SYNE2: variants seen among roughly 807,000 people sequenced by gnomAD.
The protein encoded by SYNE2 is spectrin repeat containing nuclear envelope protein 2.
SYNE2 carries 431 observed loss-of-function variants against 856.3 expected under a neutral mutation model. The ratio of observed to expected loss-of-function variants is 0.50; its 90% CI spans 0.47 to 0.55. SYNE2 has a LOEUF of 0.55. SYNE2 is among the 20% of genes least tolerant of loss of function. SYNE2 has a pLI of 0.00. For missense variants in SYNE2, 8,129 were observed against 8,023.2 expected (o/e 1.01, Z -0.50); for synonymous variants, 2,923 against 2,872.3 (o/e 1.02, Z -0.56).
chr14:64,225,663 C>G lies in SYNE2; in HGVS notation c.*137C>G. 1.0e-6 allele frequency: 1 copy of G among 965,832 alleles called. No homozygotes were observed. The highest frequency in any genetic ancestry group is 2.7e-5 in the East Asian group (1 of 37,666). 59.8% of individuals were successfully genotyped at this position (965,832 alleles called of 1,614,324 possible). A position where few individuals can be genotyped will look rare whatever the true frequency, so the allele number is the denominator to read the frequency against. ...GCAGACTTCTTCTGGGCTTACCCAG[C>G]ACGGGCTCCCTGGAGCCCAGGGCAG... On this transcript the variant is annotated 3_prime_UTR_variant, in exon 116 of 116. Transcript: ENST00000555002.
At chr14:63,845,393 G>T (rs999854000) in intron 1 of SYNE2, among the ~76,000 whole-genome samples, 27 of 150,690 alleles carry the variant, frequency 1.8e-4, no homozygotes, top group African/African-American at 6.6e-4. Flanking sequence ...TCCAGCCTGG[G>T]TGACAACAGC....
In SYNE2 at chr14:63,928,883, G is replaced by A. The variant is rs75459321; in HGVS notation, c.80-11731G>A. On this transcript the variant is annotated intron_variant, in intron 2 of 115. Coordinates refer to ENST00000555002, the MANE Select transcript of SYNE2 (RefSeq NM_182914.3). ...CAGTGAGTTGGCAGTATTGTTGTGGGGAATGGCAACAGGGTCTCATTAGCA... is the reference window on the plus strand; with the variant it reads ...CAGTGAGTTGGCAGTATTGTTGTGGAGAATGGCAACAGGGTCTCATTAGCA... 1.1e-3 allele frequency among the ~76,000 whole-genome samples: 172 copies of A among 152,158 alleles called. 2 individuals carry two copies. The East Asian group carries it at 0.014, about 13-fold the overall frequency.
chr14:63,969,403 C>T lies in SYNE2; in HGVS notation c.1128+1557C>T, dbSNP rs1333192448. ...GTCGCCATGCTGGAGTGCAGGGGTG[C>T]AATCTCGGCTCACTGCAACCCCTCC... On this transcript the variant is annotated intron_variant, in intron 11 of 115. Coordinates refer to ENST00000555002, the MANE Select transcript of SYNE2 (RefSeq NM_182914.3). Among the ~76,000 whole-genome samples, 4 of 138,708 alleles carry T rather than the reference C, an allele frequency of 2.9e-5. No homozygotes were observed. In the South Asian group the frequency reaches 9.1e-4, roughly 32 times the overall value. The allele number at this position is 138,708 out of a possible 152,430, so 91.0% of individuals were successfully genotyped here.
At chr14:64,023,243 G>A (rs1286958865) in intron 38 of SYNE2, 2 of 183,014 alleles carry the variant, frequency 1.1e-5, no homozygotes, top group East Asian at 3.0e-4. Context: ...GTGAGACCCT[G>A]TCTCAAATAA....
chr14:63,905,874 C>G (rs574223033), intron 1 of SYNE2, among the ~76,000 whole-genome samples: 51 of 152,086 alleles, frequency 3.4e-4, no homozygotes, highest in Non-Finnish European at 6.9e-4. Flanking sequence ...TTGTCTTGTT[C>G]TGACTCTCAG....
At chr14:64,162,329 G>C (rs746783280) in intron 88 of SYNE2, 53 bp downstream of exon 88, 282 of 1,572,806 alleles carry the variant, frequency 1.8e-4, no homozygotes, top group Non-Finnish European at 2.4e-4. Context: ...CAACAGATGG[G>C]GTAAGGGACA....
At chr14:63,953,026 T>A (rs1351459174) in intron 7 of SYNE2, among the ~76,000 whole-genome samples, 1 of 152,178 alleles carries the variant, frequency 6.6e-6, no homozygotes, top group Non-Finnish European at 1.5e-5. Flanking sequence ...TTTTTAAAAA[T>A]ATGTGTCTTA....
intron 94 of SYNE2, chr14:64,173,894 T>C: frequency 1.5e-6 from 1 of 675,570 alleles, no homozygotes. Context: ...TCAATCTCTT[T>C]AAAGAACGCC....
chr14:63,960,170 T>G (rs550515753), intron 8 of SYNE2, among the ~76,000 whole-genome samples: 1 of 152,370 alleles, frequency 6.6e-6, no homozygotes, highest in South Asian at 2.1e-4. Flanking sequence ...CTTATATCTT[T>G]TTCAGTTAAA....
chr14:63,846,751 C>T (rs1414081902), intron 1 of SYNE2, among the ~76,000 whole-genome samples: 1 of 151,872 alleles, frequency 6.6e-6, no homozygotes, highest in African/African-American at 2.4e-5. Flanking sequence ...CATGTGCCAC[C>T]ATGCCTGGCT....
intron 1 of SYNE2, among the ~76,000 whole-genome samples, chr14:63,832,706 T>TTGTTACTTAAA (rs1250588057): frequency 6.6e-6 from 1 of 151,790 alleles, no homozygotes; most frequent in Non-Finnish European, 1.5e-5. Flanking sequence ...TTACTTAAAA[T>TTGTTACTTAAA]ATACCAAAGT....
intron 21 of SYNE2, among the ~76,000 whole-genome samples, chr14:63,992,507 C>T (rs2096675222): frequency 6.6e-6 from 1 of 152,176 alleles, no homozygotes; most frequent in Non-Finnish European, 1.5e-5. Flanking sequence ...TCTCAAACTC[C>T]TGGCCTCAAG....
intron 87 of SYNE2, 74 bp downstream of exon 87, chr14:64,159,516 CA>C: frequency 6.4e-7 from 1 of 1,552,048 alleles, no homozygotes; most frequent in Non-Finnish European, 8.8e-7. Flanking sequence ...GGGGCATAGG[CA>C]TTGTAAAGTC....
rs59413412 is a variant in SYNE2, at chr14:64,100,555, T to TAGATATATAG, written c.12382-1376_12382-1375insGATATATAGA. Among the ~76,000 whole-genome samples the TAGATATATAG allele has an allele frequency of 3.3e-3, 401 of 122,046 alleles. 20 individuals are homozygous for TAGATATATAG. The highest frequency in any genetic ancestry group is 0.024 in the East Asian group (82 of 3,370). The allele number at this position is 122,046 out of a possible 152,430, so 80.1% of individuals were successfully genotyped here. A position where few individuals can be genotyped will look rare whatever the true frequency, so the allele number is the denominator to read the frequency against. ...AAATATATATATATATATATATATA[T>TAGATATATAG]ATATATATATATATATTTATGACAT... On this transcript the variant is annotated intron_variant, in intron 63 of 115. Transcript: ENST00000555002.
chr14:64,117,127 T>G (rs1347276272), intron 66 of SYNE2, among the ~76,000 whole-genome samples: 1 of 152,172 alleles, frequency 6.6e-6, no homozygotes, highest in Non-Finnish European at 1.5e-5. Flanking sequence ...TTATGTTTTT[T>G]CGATCTGACA....
intron 1 of SYNE2, among the ~76,000 whole-genome samples, chr14:63,806,654 G>C (rs1224574013): frequency 6.6e-6 from 1 of 152,094 alleles, no homozygotes; most frequent in Non-Finnish European, 1.5e-5. Flanking sequence ...AGGTTTTCTA[G>C]TTTGTGTGCA....
intron 7 of SYNE2, 65 bp downstream of exon 7, chr14:63,950,071 C>A: frequency 6.7e-7 from 1 of 1,489,980 alleles, no homozygotes; most frequent in Non-Finnish European, 9.4e-7. Flanking sequence ...ACCACCTCAC[C>A]ACCCAAACAC....
chr14:63,922,953 A>G (rs1297168860), intron 2 of SYNE2, among the ~76,000 whole-genome samples: 1 of 152,244 alleles, frequency 6.6e-6, no homozygotes, highest in East Asian at 1.9e-4. Context: ...TTTTGCACTC[A>G]GAAGTCAGAG....
chr14:64,184,229 C>T (rs1015047445), intron 96 of SYNE2, among the ~76,000 whole-genome samples: 10 of 152,078 alleles, frequency 6.6e-5, no homozygotes, highest in African/African-American at 2.4e-4. Flanking sequence ...AGCACCATGG[C>T]AGGTTCTGGG....
Sources: gnomAD v4.1 joint callset for allele counts (sites outside exome capture counted in the v4.1 genomes callset) on GRCh38, gnomAD v4.1.1 for gene constraint, MANE v1.5 for transcripts, NCBI Gene and HGNC (gene_info 2026-07-23, HGNC 2026-07-21) for gene names.